FBXL17: variants seen among roughly 807,000 people sequenced by gnomAD.
FBXL17 encodes F-box/LRR-repeat protein 17.
FBXL17 carries 22 observed loss-of-function variants against 66.2 expected under a neutral mutation model. That is an observed-to-expected ratio of 0.33 (90% confidence interval 0.24 to 0.47). The LOEUF (loss-of-function observed/expected upper bound fraction) is 0.47. Among genes scored for constraint, FBXL17 ranks in the 20% least tolerant of loss-of-function variants. The probability of loss-of-function intolerance (pLI) is 1.00; values close to 1 mark genes in which losing one functional copy is unlikely to be tolerated. For synonymous variants in FBXL17, 474 were observed against 400.5 expected (o/e 1.18, Z -2.19); for missense variants, 878 against 948.2 (o/e 0.93, Z 0.97).
chr5:107,861,675 T>A lies in FBXL17; in HGVS notation c.*45A>T, dbSNP rs376664117. ...CAGCTCCCCAAATGTACAATTCTCC[T>A]CTGCTCTGCTGAATGATCCCAGTGG... On this transcript the variant is annotated 3_prime_UTR_variant, in exon 9 of 9. Transcript: ENST00000542267. The A allele has an allele frequency of 8.9e-5, 133 of 1,491,662 alleles. No homozygotes were observed. Among genetic ancestry groups the A allele is most frequent in the Non-Finnish European group, 1.1e-4 (123 of 1,112,602 alleles). 92.4% of individuals were successfully genotyped at this position (1,491,662 alleles called of 1,614,324 possible).
At chr5:108,148,971 A>G (rs1037588102) in intron 6 of FBXL17, among the ~76,000 whole-genome samples, 1 of 152,226 alleles carries the variant, frequency 6.6e-6, no homozygotes, top group African/African-American at 2.4e-5. Flanking sequence ...AAACATTATG[A>G]GTCCTCATGA....
chr5:108,085,814 G>A (rs1316221075), intron 6 of FBXL17, among the ~76,000 whole-genome samples: 1 of 152,168 alleles, frequency 6.6e-6, no homozygotes, highest in Non-Finnish European at 1.5e-5. Context: ...GCATGCGCCT[G>A]TAGTCCCAGC....
chr5:108,299,996 T>A (rs1428933395), intron 4 of FBXL17, among the ~76,000 whole-genome samples: 1 of 152,084 alleles, frequency 6.6e-6, no homozygotes, highest in Non-Finnish European at 1.5e-5. Flanking sequence ...ATGTCCATTC[T>A]TACGGACAAT....
intron 4 of FBXL17, among the ~76,000 whole-genome samples, chr5:108,240,126 C>T (rs79045469): frequency 0.043 from 6,562 of 152,076 alleles, 770 homozygotes; most frequent in East Asian, 0.39. Context: ...TGTCTCAGAG[C>T]ATTCCTAGCT....
intron 1 of FBXL17, among the ~76,000 whole-genome samples, chr5:108,370,089 T>C (rs1362442066): frequency 1.3e-5 from 2 of 152,068 alleles, no homozygotes; most frequent in African/African-American, 4.8e-5. Flanking sequence ...AAACCTAATG[T>C]ACACAGCTTT....
intron 5 of FBXL17, among the ~76,000 whole-genome samples, chr5:108,201,618 C>T (rs1427010922): frequency 1.3e-5 from 2 of 151,826 alleles, no homozygotes; most frequent in Non-Finnish European, 2.9e-5. Flanking sequence ...ATGAGATATG[C>T]TTATTTTTTT....
chr5:108,144,933 C>A (rs1646027540), intron 6 of FBXL17, among the ~76,000 whole-genome samples: 2 of 152,020 alleles, frequency 1.3e-5, no homozygotes, highest in African/African-American at 2.4e-5. Flanking sequence ...GCTAACTTTT[C>A]TATATTTAAA....
intron 7 of FBXL17, among the ~76,000 whole-genome samples, chr5:107,915,206 T>A (rs1750084938): frequency 6.6e-6 from 1 of 152,198 alleles, no homozygotes; most frequent in Admixed American, 6.5e-5. Context: ...GTTTGAATTC[T>A]AAATGAAGAG....
Position 108,330,611 on chromosome 5 carries a change from C to T in FBXL17, c.1506+17788G>A, listed in dbSNP as rs144672825. 2.8e-3 allele frequency among the ~76,000 whole-genome samples: 424 copies of T among 152,162 alleles called. 4 individuals carry two copies. Among genetic ancestry groups the T allele is most frequent in the African/African-American group, 9.6e-3 (398 of 41,520 alleles). On this transcript the variant is annotated intron_variant, in intron 4 of 8. Transcript: ENST00000542267. ...ACTTCGTAAAGCAAAGAAGTATAGTCGCAATATAAAGTACCAAGGGAACAA... is the reference window on the plus strand; with the variant it reads ...ACTTCGTAAAGCAAAGAAGTATAGTTGCAATATAAAGTACCAAGGGAACAA...
intron 6 of FBXL17, among the ~76,000 whole-genome samples, chr5:108,086,469 A>G (rs1748973893): frequency 6.6e-6 from 1 of 152,210 alleles, no homozygotes; most frequent in African/African-American, 2.4e-5. Flanking sequence ...TGATTTCTGA[A>G]GGCTCCATGT....
At chr5:107,946,218 A>G (rs1751272010) in intron 7 of FBXL17, among the ~76,000 whole-genome samples, 1 of 129,992 alleles carries the variant, frequency 7.7e-6, no homozygotes, top group Non-Finnish European at 1.6e-5. Flanking sequence ...ACGATGCCCA[A>G]AGTTGTTCTA....
At chr5:107,939,845 G>A (rs1055225561) in intron 7 of FBXL17, among the ~76,000 whole-genome samples, 3 of 152,082 alleles carry the variant, frequency 2.0e-5, no homozygotes, top group South Asian at 2.1e-4. Context: ...GAGAAGACCA[G>A]GAGGGCTCAG....
intron 6 of FBXL17, among the ~76,000 whole-genome samples, chr5:108,104,557 C>T (rs556676695): frequency 1.3e-3 from 194 of 152,254 alleles, no homozygotes; most frequent in African/African-American, 4.4e-3. Flanking sequence ...TGGAGAAGAA[C>T]AAAAGTTTGA....
chr5:108,132,100 CCTAGTA>C (rs1750958839), intron 6 of FBXL17, among the ~76,000 whole-genome samples: 1 of 151,984 alleles, frequency 6.6e-6, no homozygotes, highest in African/African-American at 2.4e-5. Context: ...CCTCAGCCTC[CCTAGTA>C]TCTGGGATTA....
At chr5:107,935,803 C>A (rs1356079703) in intron 7 of FBXL17, among the ~76,000 whole-genome samples, 2 of 152,040 alleles carry the variant, frequency 1.3e-5, no homozygotes, top group African/African-American at 4.8e-5. Context: ...TTCCATAGAT[C>A]AGTTGGAACA....
At chr5:108,343,682 T>C (rs942890191) in intron 4 of FBXL17, among the ~76,000 whole-genome samples, 5 of 152,166 alleles carry the variant, frequency 3.3e-5, no homozygotes, top group African/African-American at 1.2e-4. Context: ...CAAATGTTTA[T>C]CTTATATACT....
At chr5:107,907,865 A>G (rs1749816993) in intron 7 of FBXL17, among the ~76,000 whole-genome samples, 1 of 152,016 alleles carries the variant, frequency 6.6e-6, no homozygotes, top group Non-Finnish European at 1.5e-5. Context: ...AACTAGTTCA[A>G]CCATTGTGGA....
chr5:108,381,468 C>T lies in FBXL17; in HGVS notation c.224G>A (p.Gly75Asp). Reference sequence around the variant, plus strand: ...CGAGAGCGGCGGCTCCTCCTCTGGGCCGGCGGGGGCGGGCGCGCCGGGACT... The same window carrying T: ...CGAGAGCGGCGGCTCCTCCTCTGGGTCGGCGGGGGCGGGCGCGCCGGGACT... ...VHSPGAPAPAGPEEEPPLSPP... is the reference protein window; with the variant it reads ...VHSPGAPAPADPEEEPPLSPP... The change falls in exon 1 of 9, where the codon GGC becomes GAC. Residue 75 changes from glycine to aspartate, a missense_variant. By Grantham distance (94) the Gly-to-Asp change is moderately conservative. This residue lies in a region of FBXL17 where 605 missense variants were observed against 509.5 expected (regional missense o/e 1.19). Transcript: ENST00000542267. The T allele has an allele frequency of 7.6e-7, 1 of 1,322,414 alleles. No homozygotes were observed. Among genetic ancestry groups the T allele is most frequent in the Non-Finnish European group, 9.6e-7 (1 of 1,042,890 alleles). 81.9% of individuals were successfully genotyped at this position (1,322,414 alleles called of 1,614,324 possible). A position where few individuals can be genotyped will look rare whatever the true frequency, so the allele number is the denominator to read the frequency against.
intron 4 of FBXL17, chr5:108,301,938 T>G: frequency 1.5e-6 from 1 of 670,874 alleles, no homozygotes; most frequent in Non-Finnish European, 1.8e-6. Flanking sequence ...GATATATGTA[T>G]TGATAAGCTA....
Sources: gnomAD v4.1 joint callset for allele counts (sites outside exome capture counted in the v4.1 genomes callset) on GRCh38, gnomAD v4.1.1 for gene constraint, gnomAD v4.1.1 regional missense constraint, MANE v1.5 for transcripts, NCBI Gene and HGNC (gene_info 2026-07-23, HGNC 2026-07-21) for gene names.